The following FBLN5 variants were observed in gnomAD, a reference collection of about 807,000 sequenced individuals.
FBLN5 encodes the protein fibulin-5.
Under a neutral mutation model 61.6 loss-of-function variants are expected in FBLN5, and 24 were observed. That is an observed-to-expected ratio of 0.39 (90% CI 0.28 to 0.55). FBLN5 has a LOEUF of 0.55. Ranked by LOEUF, FBLN5 falls within the 20% of genes least tolerant of loss-of-function variation. The pLI, the probability that FBLN5 is intolerant of heterozygous loss-of-function variation, is 0.65. For missense variants in FBLN5, 470 were observed against 594.1 expected, an observed-to-expected ratio of 0.79 and a Z score of 2.17; for synonymous variants, 213 against 219.8, an observed-to-expected ratio of 0.97 and a Z score of 0.27.
intron 5 of FBLN5, among the ~76,000 whole-genome samples, chr14:91,893,440 C>T (rs1420191569): frequency 2.6e-5 from 4 of 152,166 alleles, no homozygotes; most frequent in Admixed American, 6.5e-5. Context: ...ATGCTTCGGA[C>T]GGGGCTTGAG....
In FBLN5 at chr14:91,894,933, C is replaced by T. The variant is rs1361273028; in HGVS notation, c.502+17G>A. On this transcript the variant is annotated intron_variant, in intron 5 of 10. Coordinates refer to ENST00000342058, the MANE Select transcript of FBLN5 (RefSeq NM_006329.4). ...TAACTTCCAAGAGTCCCTGTGACCC[C>T]CCCAGAGAGCTGTTACCTAAGCACT... 2.5e-6 allele frequency: 4 copies of T among 1,613,292 alleles called. No homozygotes were observed. The highest frequency in any genetic ancestry group is 3.4e-6 in the Non-Finnish European group (4 of 1,179,556).
At chr14:91,881,121 A>ACACC (rs71123306) in intron 9 of FBLN5, among the ~76,000 whole-genome samples, 171 bp downstream of exon 9, 32 of 1,024 alleles carry the variant, frequency 0.031, no homozygotes, top group African/African-American at 0.047. Context: ...GTTCTATTCT[A>ACACC]CACACACACA....
At chr14:91,929,434 A>G (rs980846605) in intron 4 of FBLN5, among the ~76,000 whole-genome samples, 1 of 152,148 alleles carries the variant, frequency 6.6e-6, no homozygotes, top group African/African-American at 2.4e-5. Flanking sequence ...CCAGATTACG[A>G]CCCTTAGTAT....
At chr14:91,880,574 G>A (rs1460021872) in intron 9 of FBLN5, among the ~76,000 whole-genome samples, 1 of 151,312 alleles carries the variant, frequency 6.6e-6, no homozygotes, top group Non-Finnish European at 1.5e-5. Context: ...TTGAGACAGA[G>A]TCTCACTCTG....
At chr14:91,909,625 C>T (rs1890836257) in intron 4 of FBLN5, among the ~76,000 whole-genome samples, 1 of 152,148 alleles carries the variant, frequency 6.6e-6, no homozygotes, top group South Asian at 2.1e-4. Context: ...CAAAGACAGA[C>T]CCGAGCTGAT....
intron 4 of FBLN5, among the ~76,000 whole-genome samples, chr14:91,916,401 C>A (rs768660698): frequency 3.3e-5 from 5 of 152,154 alleles, no homozygotes; most frequent in Non-Finnish European, 7.4e-5. Flanking sequence ...GAGAGGAGAT[C>A]GCACCACTGC....
chr14:91,945,782 C>A (rs761939209), intron 1 of FBLN5, among the ~76,000 whole-genome samples: 6 of 152,132 alleles, frequency 3.9e-5, no homozygotes, highest in South Asian at 2.1e-4. Flanking sequence ...ATGTAAGTGC[C>A]TGGGTGAGCC....
intron 4 of FBLN5, among the ~76,000 whole-genome samples, chr14:91,934,841 T>A (rs1161210409): frequency 1.3e-5 from 2 of 152,060 alleles, no homozygotes; most frequent in African/African-American, 2.4e-5. Flanking sequence ...CTCTCTTCCA[T>A]CCCAGTTCTT....
At chr14:91,880,417 G>A (rs1019636705) in intron 9 of FBLN5, among the ~76,000 whole-genome samples, 1 of 152,202 alleles carries the variant, frequency 6.6e-6, no homozygotes, top group Admixed American at 6.5e-5. Flanking sequence ...GGGAAGAGGA[G>A]ATTCTAGAAC....
At chr14:91,893,074 TCCCCCTACCACTCCAGCG>T (rs1261739811) in intron 5 of FBLN5, among the ~76,000 whole-genome samples, 3 of 151,554 alleles carry the variant, frequency 2.0e-5, no homozygotes, top group African/African-American at 7.3e-5. Context: ...TAGCCCGGTC[TCCCCCTACCACTCCAGCG>T]CCCCTTGTGG....
intron 4 of FBLN5, among the ~76,000 whole-genome samples, chr14:91,930,327 T>A (rs2055901969): frequency 6.6e-6 from 1 of 152,064 alleles, no homozygotes; most frequent in Non-Finnish European, 1.5e-5. Context: ...TTGCCCATCA[T>A]CCCAGCAATG....
chr14:91,936,010 G>C (rs1256801430), intron 4 of FBLN5, among the ~76,000 whole-genome samples: 3 of 152,170 alleles, frequency 2.0e-5, no homozygotes, highest in Non-Finnish European at 4.4e-5. Context: ...GTATTAAAAA[G>C]AGAATGCACA....
intron 4 of FBLN5, among the ~76,000 whole-genome samples, chr14:91,900,698 G>C (rs1000250931): frequency 6.6e-6 from 1 of 152,232 alleles, no homozygotes; most frequent in Non-Finnish European, 1.5e-5. Context: ...TGGATCCTTG[G>C]GTGTTCTGCA....
intron 4 of FBLN5, among the ~76,000 whole-genome samples, chr14:91,911,818 C>T (rs1197781500): frequency 8.6e-5 from 12 of 140,294 alleles, no homozygotes; most frequent in Non-Finnish European, 1.7e-4. Context: ...AAAAAAAAAA[C>T]GGCTGGGAGA....
At chr14:91,913,683 C>A (rs908965375) in intron 4 of FBLN5, among the ~76,000 whole-genome samples, 1 of 152,186 alleles carries the variant, frequency 6.6e-6, no homozygotes, top group Non-Finnish European at 1.5e-5. Context: ...AACTATCATT[C>A]AATTATATCA....
intron 4 of FBLN5, among the ~76,000 whole-genome samples, chr14:91,919,852 T>C (rs1171497523): frequency 6.6e-6 from 1 of 152,190 alleles, no homozygotes; most frequent in East Asian, 1.9e-4. Flanking sequence ...AGACAATACA[T>C]TTCTGTTGTT....
In FBLN5 at chr14:91,946,493, T is replaced by C. The variant is rs78013069; in HGVS notation, c.17+720A>G. 4.1e-3 allele frequency among the ~76,000 whole-genome samples: 622 copies of C among 150,676 alleles called. 3 individuals carry two copies. Among genetic ancestry groups the C allele is most frequent in the African/African-American group, 0.015 (599 of 40,568 alleles). On this transcript the variant is annotated intron_variant, in intron 1 of 10. Coordinates refer to ENST00000342058, the MANE Select transcript of FBLN5 (RefSeq NM_006329.4). ...AGAAGTGCTGGTCCCCAATCCAGGA[T>C]GACATTGTTACAGCTTAGTTTTCAG...
intron 7 of FBLN5, among the ~76,000 whole-genome samples, chr14:91,884,211 C>G (rs377507493): frequency 2.8e-4 from 42 of 152,286 alleles, no homozygotes; most frequent in African/African-American, 9.9e-4. Context: ...CTTCCTGTCT[C>G]TCTCAGGGGT....
intron 1 of FBLN5, among the ~76,000 whole-genome samples, chr14:91,945,542 T>C (rs1256658427): frequency 6.6e-6 from 1 of 152,178 alleles, no homozygotes; most frequent in Non-Finnish European, 1.5e-5. Flanking sequence ...CCTGGGGACA[T>C]GGCTGAATTC....
Sources: allele counts gnomAD v4.1 joint callset (sites outside exome capture counted in the v4.1 genomes callset), GRCh38; gene constraint gnomAD v4.1.1; transcripts MANE v1.5; gene names NCBI Gene and HGNC (gene_info 2026-07-23, HGNC 2026-07-21).